Variants in RHCE observed in about 807,000 individuals in gnomAD.
RHCE encodes the protein blood group Rh(CE) polypeptide.
A neutral mutation model predicts 43.8 loss-of-function variants in RHCE; 22 were observed. The observed-to-expected ratio is 0.50, with a 90% CI of 0.36 to 0.72. The LOEUF (loss-of-function observed/expected upper bound fraction) is 0.72, where lower values mean the gene tolerates loss of function less well. Ranked by LOEUF, RHCE falls within the 30% of genes least tolerant of loss-of-function variation. RHCE has a pLI of 0.00. For missense variants in RHCE, 385 were observed against 525.4 expected, an observed-to-expected ratio of 0.73 and a Z score of 2.61; for synonymous variants, 156 against 210.7, an observed-to-expected ratio of 0.74 and a Z score of 2.25.
At chr1:25,368,950 G>T (rs111734245) in intron 9 of RHCE, among the ~76,000 whole-genome samples, 1 of 151,512 alleles carries the variant, frequency 6.6e-6, no homozygotes, top group Admixed American at 6.6e-5. Flanking sequence ...TAGTGGAGAC[G>T]GGGTTTCACC....
rs60136407 is a variant in RHCE, at chr1:25,402,198, G to A, written c.486+398C>T. Among the ~76,000 whole-genome samples the A allele has an allele frequency of 4.8e-3, 649 of 135,948 alleles. 8 individuals carry two copies. The highest frequency in any genetic ancestry group is 0.016 in the African/African-American group (610 of 37,288). 89.2% of individuals were successfully genotyped at this position (135,948 alleles called of 152,430 possible). ...AGCCTGTCTGTCTGTCTGTCTGTCTGTCTGTCTGTCTATCTATCTATCTAT... is the reference window on the plus strand; with the variant it reads ...AGCCTGTCTGTCTGTCTGTCTGTCTATCTGTCTGTCTATCTATCTATCTAT... On this transcript the variant is annotated intron_variant, in intron 3 of 9. Coordinates refer to ENST00000294413, the MANE Select transcript of RHCE (RefSeq NM_020485.8).
chr1:25,392,327 T>C (rs2124431809), intron 3 of RHCE, among the ~76,000 whole-genome samples, 186 bp from the exon 4 acceptor site: 1 of 152,302 alleles, frequency 6.6e-6, no homozygotes, highest in South Asian at 2.1e-4. Flanking sequence ...AATGGCACGA[T>C]CTCGGCTCAC....
intron 5 of RHCE, among the ~76,000 whole-genome samples, chr1:25,390,105 A>T (rs1464102577): frequency 6.7e-6 from 1 of 150,256 alleles, no homozygotes; most frequent in East Asian, 2.0e-4. Flanking sequence ...CACCAGCTGG[A>T]CCCCCTGCCC....
At chr1:25,411,560 C>A in intron 1 of RHCE, 1 of 1,185,302 alleles carries the variant, frequency 8.4e-7, no homozygotes, top group Non-Finnish European at 1.2e-6. Context: ...CCAAGGACCT[C>A]CACGGGACCT....
At chr1:25,426,449 G>A (rs1331004100) in intron 2 of RHCE, among the ~76,000 whole-genome samples, 1 of 152,168 alleles carries the variant, frequency 6.6e-6, no homozygotes, top group African/African-American at 2.4e-5. Context: ...AAAGAGCCCA[G>A]GCACTGAAAG....
At chr1:25,412,694 G>C (rs75628637) in intron 1 of RHCE, among the ~76,000 whole-genome samples, 1 of 137,972 alleles carries the variant, frequency 7.2e-6, no homozygotes, top group African/African-American at 2.7e-5. Context: ...CAGCCTAGGC[G>C]ACAGAGGGAG....
chr1:25,374,468 G>C (rs1423945252), intron 8 of RHCE, among the ~76,000 whole-genome samples: 1 of 151,880 alleles, frequency 6.6e-6, no homozygotes, highest in Non-Finnish European at 1.5e-5. Flanking sequence ...TGTATTGCAA[G>C]AACAGAAACA....
intron 7 of RHCE, among the ~76,000 whole-genome samples, chr1:25,384,404 C>G (rs76325822): frequency 6.7e-6 from 1 of 149,706 alleles, no homozygotes; most frequent in Non-Finnish European, 1.5e-5. Flanking sequence ...TTTTTTTTTT[C>G]TAACTTCCCC....
At chr1:25,386,465 G>T (rs1456074225) in intron 6 of RHCE, among the ~76,000 whole-genome samples, 1 of 152,210 alleles carries the variant, frequency 6.6e-6, no homozygotes, top group Non-Finnish European at 1.5e-5. Context: ...GCCAGCAGAT[G>T]TGGACACATA....
intron 7 of RHCE, among the ~76,000 whole-genome samples, chr1:25,382,150 G>A (rs1469801302): frequency 1.3e-5 from 2 of 149,554 alleles, no homozygotes; most frequent in African/African-American, 5.1e-5. Context: ...CTCACCCCAT[G>A]ACCTTATCTA....
chr1:25,417,998 A>G (rs900051649), intron 1 of RHCE, among the ~76,000 whole-genome samples: 3 of 152,126 alleles, frequency 2.0e-5, no homozygotes, highest in Non-Finnish European at 4.4e-5. Context: ...CAGTGAGTCT[A>G]CCACCCACTG....
intron 1 of RHCE, among the ~76,000 whole-genome samples, chr1:25,414,242 G>A (rs1557642187): frequency 6.6e-6 from 1 of 151,688 alleles, no homozygotes; most frequent in East Asian, 1.9e-4. Context: ...CATCCCCTTG[G>A]GCAGCTGCCT....
chr1:25,384,810 C>T (rs1297540118), intron 7 of RHCE, among the ~76,000 whole-genome samples: 1 of 152,164 alleles, frequency 6.6e-6, no homozygotes, highest in Non-Finnish European at 1.5e-5. Context: ...CAGATAACTT[C>T]TCTTAAATCT....
rs1238030431 is a variant in RHCE, at chr1:25,402,741, C to T, written c.341G>A (p.Arg114Gln). Reference protein sequence around the residue: ...GKVVITLFSIRLATMSAMSVL... With the variant: ...GKVVITLFSIQLATMSAMSVL... Reference sequence around the variant, plus strand: ...CGACATAGCACTCATGGTGGCCAGCCGAATACTGGGGGTGAGAAGGAGAGC... The same window carrying T: ...CGACATAGCACTCATGGTGGCCAGCTGAATACTGGGGGTGAGAAGGAGAGC... The change falls in exon 3 of 10, where the codon CGG (arginine) becomes CAG (glutamine). Residue 114 changes from arginine (R) to glutamine (Q), a missense_variant. Arg to Gln is a conservative substitution (Grantham distance 43). This residue lies in a region of RHCE where 110 missense variants were observed against 192.1 expected (regional missense o/e 0.57). Coordinates refer to ENST00000294413, the MANE Select transcript of RHCE (RefSeq NM_020485.8). The T allele has an allele frequency of 1.1e-5, 17 of 1,614,134 alleles. No individual in the cohort carries two copies. In the South Asian group the frequency reaches 1.3e-4, roughly 13 times the overall value.
At chr1:25,423,481 G>A (rs753814032), upstream of RHCE, among the ~76,000 whole-genome samples, 13 of 152,184 alleles carry the variant, frequency 8.5e-5, no homozygotes, top group East Asian at 1.9e-4. Context: ...ATCCCTGTGC[G>A]TCCTGATCCT....
intron 7 of RHCE, among the ~76,000 whole-genome samples, chr1:25,384,808 T>G (rs1448597213): frequency 1.3e-5 from 2 of 152,178 alleles, no homozygotes; most frequent in African/African-American, 4.8e-5. Flanking sequence ...GGCAGATAAC[T>G]TCTCTTAAAT....
chr1:25,420,788 C>G lies in RHCE; in HGVS notation c.-2G>C, dbSNP rs764308102. 1 of 1,608,166 alleles carries G rather than the reference C, an allele frequency of 6.2e-7. No homozygotes were observed. The highest frequency in any genetic ancestry group is 8.5e-7 in the Non-Finnish European group (1 of 1,177,184). ...AGACCGCGGGTACTTAGAGCTCATC[C>G]TGTGTCCGTCTCTGTGCAGGGGTTC... On this transcript the variant is annotated 5_prime_UTR_variant, in exon 1 of 10. Transcript: ENST00000294413.
intron 1 of RHCE, among the ~76,000 whole-genome samples, chr1:25,414,157 T>C (rs982377455): frequency 1.3e-5 from 2 of 151,618 alleles, no homozygotes; most frequent in East Asian, 1.9e-4. Context: ...GCAAGACTGC[T>C]CTCCCCCAGG....
At chr1:25,403,949 C>G (rs1343176961) in intron 2 of RHCE, among the ~76,000 whole-genome samples, 1 of 151,500 alleles carries the variant, frequency 6.6e-6, no homozygotes, top group Non-Finnish European at 1.5e-5. Context: ...AGGTGGATCA[C>G]TTGAGGCCAG....
Sources: gnomAD v4.1 joint callset for allele counts (sites outside exome capture counted in the v4.1 genomes callset) on GRCh38, gnomAD v4.1.1 for gene constraint, gnomAD v4.1.1 regional missense constraint, MANE v1.5 for transcripts, NCBI Gene and HGNC (gene_info 2026-07-23, HGNC 2026-07-21) for gene names.